The following SDK1 variants were observed in gnomAD, a reference collection of about 807,000 sequenced individuals.
SDK1 encodes sidekick cell adhesion molecule 1.
A neutral mutation model predicts 245.5 loss-of-function variants in SDK1; 157 were observed. That is an observed-to-expected ratio of 0.64 (90% CI 0.56 to 0.73). The LOEUF is 0.73. Ranked by LOEUF, SDK1 falls within the 30% of genes least tolerant of loss-of-function variation. The pLI is 0.00. For synonymous variants in SDK1, 1,647 were observed against 1,278.5 expected, an observed-to-expected ratio of 1.29 and a Z score of -6.15; for missense variants, 3,583 against 3,002.3, an observed-to-expected ratio of 1.19 and a Z score of -4.52.
intron 5 of SDK1, among the ~76,000 whole-genome samples, chr7:3,903,067 A>G (rs892236917): frequency 1.3e-5 from 2 of 152,124 alleles, no homozygotes; most frequent in Non-Finnish European, 2.9e-5. Context: ...ATGCAAATCA[A>G]TACCACAGTG....
chr7:4,150,461 T>C (rs538471588), intron 30 of SDK1, among the ~76,000 whole-genome samples: 1 of 152,290 alleles, frequency 6.6e-6, no homozygotes, highest in African/African-American at 2.4e-5. Context: ...GATGGTCACA[T>C]AGGTCAGCTC....
intron 5 of SDK1, among the ~76,000 whole-genome samples, chr7:3,948,280 C>T (rs1197700131): frequency 2.0e-4 from 19 of 93,886 alleles, no homozygotes; most frequent in Admixed American, 1.7e-4. Context: ...TTTTTTGAGA[C>T]GGAGTCTCGC....
intron 16 of SDK1, among the ~76,000 whole-genome samples, chr7:4,015,886 G>A (rs1267313121): frequency 6.6e-6 from 1 of 152,212 alleles, no homozygotes; most frequent in Admixed American, 6.5e-5. Context: ...TACATGGTCG[G>A]CGGCAAGAGG....
At chr7:3,359,067 T>A (rs1019586769) in intron 1 of SDK1, among the ~76,000 whole-genome samples, 1 of 152,200 alleles carries the variant, frequency 6.6e-6, no homozygotes, top group Non-Finnish European at 1.5e-5. Context: ...TAGAACCTTA[T>A]GGCATCACCT....
intron 1 of SDK1, among the ~76,000 whole-genome samples, chr7:3,601,345 C>T (rs1268359735): frequency 6.6e-6 from 1 of 152,078 alleles, no homozygotes; most frequent in Non-Finnish European, 1.5e-5. Context: ...TCAACTGGGT[C>T]TGGAGAATTT....
intron 35 of SDK1, among the ~76,000 whole-genome samples, chr7:4,194,361 CGTATGTGTATACAT>C (rs778647240): frequency 7.0e-4 from 65 of 93,136 alleles, no homozygotes; most frequent in Middle Eastern, 6.4e-3. Flanking sequence ...TATGTATGCA[CGTATGTGTATACAT>C]GTATGTGTAT....
intron 6 of SDK1, 23 bp downstream of exon 6, chr7:3,951,057 G>A: frequency 1.3e-6 from 2 of 1,500,202 alleles, no homozygotes; most frequent in Non-Finnish European, 1.9e-6. Context: ...TCTCCTGTGA[G>A]ACTCCTAGTA....
chr7:3,534,368 C>T (rs1038720355), intron 1 of SDK1, among the ~76,000 whole-genome samples: 2 of 152,134 alleles, frequency 1.3e-5, no homozygotes, highest in East Asian at 1.9e-4. Context: ...ACAGATGTCT[C>T]TTTGACTTCT....
chr7:3,418,145 GA>G (rs200914826), intron 1 of SDK1, among the ~76,000 whole-genome samples: 1,887 of 119,404 alleles, frequency 0.016, 8 homozygotes, highest in East Asian at 0.032. Flanking sequence ...TACTAAAAAT[GA>G]AAAAAAAAAA....
At chr7:3,756,929 G>A (rs1042845651) in intron 4 of SDK1, among the ~76,000 whole-genome samples, 1 of 152,134 alleles carries the variant, frequency 6.6e-6, no homozygotes, top group African/African-American at 2.4e-5. Flanking sequence ...TGACCCTTTG[G>A]TGAGGGTGGT....
intron 1 of SDK1, among the ~76,000 whole-genome samples, chr7:3,540,806 G>A (rs890668940): frequency 4.6e-5 from 7 of 152,136 alleles, no homozygotes; most frequent in African/African-American, 1.2e-4. Flanking sequence ...GCCATCATTC[G>A]TATATCTATA....
chr7:3,394,583 T>C (rs1781844547), intron 1 of SDK1, among the ~76,000 whole-genome samples: 1 of 151,766 alleles, frequency 6.6e-6, no homozygotes, highest in Non-Finnish European at 1.5e-5. Flanking sequence ...TGATAGGGAT[T>C]ATTTTGAATG....
At chr7:4,125,395 G>T (rs934847405) in intron 25 of SDK1, among the ~76,000 whole-genome samples, 3 of 151,598 alleles carry the variant, frequency 2.0e-5, no homozygotes, top group African/African-American at 7.3e-5. Flanking sequence ...TGGGTGGATG[G>T]ATGGATAGAT....
chr7:3,685,500 G>T (rs954701479), intron 4 of SDK1, among the ~76,000 whole-genome samples: 1 of 152,066 alleles, frequency 6.6e-6, no homozygotes, highest in Non-Finnish European at 1.5e-5. Context: ...ATAAAAACCC[G>T]GACTTTAGAA....
intron 35 of SDK1, among the ~76,000 whole-genome samples, chr7:4,189,316 C>T (rs961882313): frequency 1.9e-4 from 29 of 152,238 alleles, no homozygotes; most frequent in East Asian, 3.9e-4. Context: ...CTCTGCCCAC[C>T]GCCAATCGCA....
chr7:4,133,691 G>A (rs1785012622), intron 28 of SDK1, among the ~76,000 whole-genome samples: 1 of 152,200 alleles, frequency 6.6e-6, no homozygotes, highest in African/African-American at 2.4e-5. Context: ...TTGAGCTACT[G>A]TGAGCTCCCT....
At chr7:4,173,973 CAG>C (rs1448913723) in intron 32 of SDK1, among the ~76,000 whole-genome samples, 1 of 152,208 alleles carries the variant, frequency 6.6e-6, no homozygotes, top group Non-Finnish European at 1.5e-5. Context: ...TTGAGCTGGA[CAG>C]GGGTCAAAAT....
intron 1 of SDK1, 48 bp from the exon 2 acceptor site, chr7:3,619,032 T>C (rs1257823091): frequency 7.0e-7 from 1 of 1,435,224 alleles, no homozygotes; most frequent in Non-Finnish European, 9.5e-7. Flanking sequence ...TGAGTGCCAC[T>C]TTCATGCGTA....
At chr7:3,742,759 C>T (rs1377159387) in intron 4 of SDK1, among the ~76,000 whole-genome samples, 1 of 152,148 alleles carries the variant, frequency 6.6e-6, no homozygotes, top group Non-Finnish European at 1.5e-5. Flanking sequence ...ATTTCACAGA[C>T]CCAGTCACAG....
Sources: gnomAD v4.1 joint callset for allele counts (sites outside exome capture counted in the v4.1 genomes callset) on GRCh38, gnomAD v4.1.1 for gene constraint, MANE v1.5 for transcripts, NCBI Gene and HGNC (gene_info 2026-07-23, HGNC 2026-07-21) for gene names.